THRB: variants seen among roughly 807,000 people sequenced by gnomAD.
THRB encodes thyroid hormone receptor beta.
In THRB, 12 loss-of-function variants were observed where a neutral mutation model predicts 47.8. The observed-to-expected ratio is 0.25, with a 90% CI of 0.16 to 0.41. THRB has a LOEUF of 0.41. THRB is among the 10% of genes least tolerant of loss of function. The pLI, the probability that THRB is intolerant of heterozygous loss-of-function variation, is 1.00. For missense variants in THRB, 348 were observed against 589.2 expected, an observed-to-expected ratio of 0.59 and a Z score of 4.24; for synonymous variants, 218 against 212.2, an observed-to-expected ratio of 1.03 and a Z score of -0.24.
intron 7 of THRB, chr3:24,144,279 C>T (rs779733244): frequency 1.2e-5 from 2 of 164,912 alleles, no homozygotes; most frequent in African/African-American, 4.8e-5. Context: ...GGCTGGGCCT[C>T]ACCTGGGCCT....
intron 3 of THRB, among the ~76,000 whole-genome samples, chr3:24,242,389 T>A (rs2150261854): frequency 6.6e-6 from 1 of 152,326 alleles, no homozygotes; most frequent in South Asian, 2.1e-4. Flanking sequence ...CATTTTTTTT[T>A]TCCTGCTGTA....
chr3:24,275,408 T>C (rs1211764073), intron 3 of THRB, among the ~76,000 whole-genome samples: 1 of 152,200 alleles, frequency 6.6e-6, no homozygotes, highest in Non-Finnish European at 1.5e-5. Context: ...CTCTGAACTT[T>C]CTTAAAAATT....
chr3:24,338,201 G>A (rs2062392768), intron 1 of THRB, among the ~76,000 whole-genome samples: 1 of 152,022 alleles, frequency 6.6e-6, no homozygotes, highest in Non-Finnish European at 1.5e-5. Context: ...ATTTAAAAAA[G>A]GGTATATTTT....
chr3:24,160,735 G>GCTC (rs1166041996), intron 5 of THRB, among the ~76,000 whole-genome samples: 2 of 152,234 alleles, frequency 1.3e-5, no homozygotes, highest in Admixed American at 1.3e-4. Context: ...GCGGGAAGCG[G>GCTC]CTTGACTTCA....
At chr3:24,350,147 G>T (rs2063278269) in intron 1 of THRB, among the ~76,000 whole-genome samples, 1 of 152,000 alleles carries the variant, frequency 6.6e-6, no homozygotes, top group Admixed American at 6.6e-5. Flanking sequence ...TCAGGAGAGT[G>T]TGAATTTAAA....
At chr3:24,307,045 A>G (rs1202828734) in intron 2 of THRB, among the ~76,000 whole-genome samples, 2 of 151,684 alleles carry the variant, frequency 1.3e-5, no homozygotes, top group Non-Finnish European at 2.9e-5. Flanking sequence ...GTTTTTATAA[A>G]TATAATAATA....
chr3:24,227,711 G>GAATA (rs1394662396), intron 4 of THRB, among the ~76,000 whole-genome samples: 1 of 152,178 alleles, frequency 6.6e-6, no homozygotes, highest in Non-Finnish European at 1.5e-5. Context: ...GTCTACTGGA[G>GAATA]AATAAGTTCT....
intron 1 of THRB, among the ~76,000 whole-genome samples, chr3:24,491,165 T>G (rs1353622242): frequency 6.6e-6 from 1 of 152,186 alleles, no homozygotes; most frequent in African/African-American, 2.4e-5. Flanking sequence ...AATTAAATAC[T>G]CTAAAGCAGT....
intron 4 of THRB, among the ~76,000 whole-genome samples, chr3:24,227,674 C>A (rs935752404): frequency 1.3e-5 from 2 of 152,136 alleles, no homozygotes; most frequent in African/African-American, 4.8e-5. Context: ...GGCTGAGTGG[C>A]AACTTTCAGT....
At chr3:24,489,265 G>A (rs1238515503) in intron 1 of THRB, among the ~76,000 whole-genome samples, 1 of 151,574 alleles carries the variant, frequency 6.6e-6, no homozygotes, top group Non-Finnish European at 1.5e-5. Flanking sequence ...AAAAAAAAAA[G>A]ATTTAAACCA....
At chr3:24,274,594 TTGTC>T (rs919305591) in intron 3 of THRB, among the ~76,000 whole-genome samples, 7 of 152,208 alleles carry the variant, frequency 4.6e-5, no homozygotes, top group African/African-American at 9.6e-5. Flanking sequence ...TCTCTCTTTC[TTGTC>T]TATTTCTTTT....
chr3:24,251,048 TA>T (rs1457418559), intron 3 of THRB, among the ~76,000 whole-genome samples: 5 of 151,406 alleles, frequency 3.3e-5, no homozygotes, highest in Non-Finnish European at 5.9e-5. Context: ...ATCAGACACA[TA>T]AAAAAAGAAA....
intron 5 of THRB, among the ~76,000 whole-genome samples, chr3:24,186,853 G>C (rs2042639971): frequency 6.8e-6 from 1 of 146,658 alleles, no homozygotes; most frequent in Non-Finnish European, 1.5e-5. Flanking sequence ...GCTGAGGCAG[G>C]AGAATTGCTT....
intron 4 of THRB, among the ~76,000 whole-genome samples, chr3:24,203,869 T>C (rs1046977736): frequency 1.3e-5 from 2 of 152,266 alleles, no homozygotes. Flanking sequence ...ATCCCACGCC[T>C]GGCTTGGAGG....
chr3:24,477,117 T>TGC, intron 1 of THRB, among the ~76,000 whole-genome samples: 1 of 151,156 alleles, frequency 6.6e-6, no homozygotes, highest in East Asian at 1.9e-4. Context: ...TGTGTGTGTG[T>TGC]GGTTTCACAT....
chr3:24,342,153 C>CA (rs10574941), intron 1 of THRB, among the ~76,000 whole-genome samples: 2,294 of 138,848 alleles, frequency 0.017, 63 homozygotes, highest in African/African-American at 0.055. Flanking sequence ...CTGTTGCGCT[C>CA]AAAAAAAAAA....
intron 5 of THRB, among the ~76,000 whole-genome samples, chr3:24,180,829 G>C (rs1353453763): frequency 6.6e-6 from 1 of 152,162 alleles, no homozygotes; most frequent in Middle Eastern, 3.2e-3. Flanking sequence ...GTGCTTCCTA[G>C]ACTGCAATGC....
At chr3:24,281,376 C>G (rs868299744) in intron 3 of THRB, among the ~76,000 whole-genome samples, 332 of 151,944 alleles carry the variant, frequency 2.2e-3, no homozygotes, top group African/African-American at 7.1e-3. Flanking sequence ...ACTTTACAGA[C>G]AAGCAAATGC....
intron 3 of THRB, among the ~76,000 whole-genome samples, chr3:24,285,910 A>T (rs2055231378): frequency 6.6e-6 from 1 of 151,646 alleles, no homozygotes. Flanking sequence ...TGAAGCACTA[A>T]CCCCCAATGT....
Sources: gnomAD v4.1 joint callset for allele counts (sites outside exome capture counted in the v4.1 genomes callset) on GRCh38, gnomAD v4.1.1 for gene constraint, MANE v1.5 for transcripts, NCBI Gene and HGNC (gene_info 2026-07-23, HGNC 2026-07-21) for gene names.